Variants in KIF5C observed in about 807,000 individuals in gnomAD.
KIF5C encodes kinesin family member 5C.
Under a neutral mutation model 125.2 loss-of-function variants are expected in KIF5C, and 18 were observed. That is an observed-to-expected ratio of 0.14 (90% CI 0.10 to 0.21). The LOEUF is 0.21. Ranked by LOEUF, KIF5C falls within the 10% of genes least tolerant of loss-of-function variation. The pLI, the probability that KIF5C is intolerant of heterozygous loss-of-function variation, is 1.00. For synonymous variants in KIF5C, 405 were observed against 434.0 expected (o/e 0.93, Z 0.83); for missense variants, 780 against 1,183.8 (o/e 0.66, Z 5.01).
In KIF5C at chr2:148,991,056, G is replaced by T; in HGVS notation, c.1763G>T (p.Arg588Leu). The T allele has an allele frequency of 2.5e-6, 4 of 1,613,684 alleles. No individual in the cohort carries two copies. Among genetic ancestry groups the T allele is most frequent in the Non-Finnish European group, 3.4e-6 (4 of 1,179,756 alleles). Residue 588 changes from arginine to leucine, a missense_variant, in exon 16 of 26, where the codon CGC becomes CTC. Physicochemically the swap from Arg to Leu is moderately radical, Grantham distance 102 (BLOSUM62 -2). Around this residue, in one of 2 missense-constraint regions of KIF5C, gnomAD observed 573 missense variants for 742.6 expected, o/e 0.77. Coordinates refer to ENST00000435030, the MANE Select transcript of KIF5C (RefSeq NM_004522.3). ...GVIEEEFTMA[R>L]LYISKMKSEV... ...ATTGAGGAGGAGTTTACCATGGCCC[G>T]CCTGTACATCAGCAAGATGAAGTCA...
At chr2:148,979,771 C>T (rs886334209) in intron 13 of KIF5C, among the ~76,000 whole-genome samples, 1 of 152,170 alleles carries the variant, frequency 6.6e-6, no homozygotes, top group African/African-American at 2.4e-5. Context: ...CCGAGTACTG[C>T]GTCAGCATGT....
chr2:148,949,694 T>A, intron 8 of KIF5C, 145 bp from the exon 9 acceptor site: 2 of 1,196,568 alleles, frequency 1.7e-6, no homozygotes, highest in Non-Finnish European at 2.3e-6. Context: ...CGAAGGATGG[T>A]TTTTTATCAC....
rs759203784 is a variant in KIF5C, at chr2:149,010,228, G to A, written c.2644G>A (p.Ala882Thr). Residue 882 changes from alanine to threonine, a missense_variant, in exon 24 of 26, where the codon GCG (alanine) becomes ACG (threonine). By Grantham distance (58) the Ala-to-Thr change is moderately conservative. This residue lies in a region of KIF5C where 573 missense variants were observed against 742.6 expected (regional missense o/e 0.77). Transcript: ENST00000435030. ...TAERVKALESALKEAKENAMR... is the reference protein window; with the variant it reads ...TAERVKALESTLKEAKENAMR... ...GGAGCGCGTCAAGGCTCTGGAGAGC[G>A]CGCTGAAGGAGGCCAAGGAGAACGC... 7.0e-6 allele frequency: 11 copies of A among 1,572,038 alleles called. No homozygotes were observed. Among genetic ancestry groups the A allele is most frequent in the Middle Eastern group, 3.3e-4 (2 of 6,018 alleles).
chr2:148,964,387 T>C (rs1214671215), intron 11 of KIF5C, among the ~76,000 whole-genome samples: 2 of 152,104 alleles, frequency 1.3e-5, no homozygotes, highest in Non-Finnish European at 2.9e-5. Flanking sequence ...GATGATATAC[T>C]CTGGCACAGA....
rs1476951918 is a variant in KIF5C, at chr2:148,875,632, C to T, written c.15C>T (p.Ala5=). Residue 5 remains alanine (A), a synonymous_variant, in exon 1 of 26, where the codon GCC becomes GCT. Transcript: ENST00000435030. ...CGCCGGCCGAGATGGCGGATCCAGC[C>T]GAATGCAGCATCAAAGTGATGTGCC... MADP[A]ECSIKVMCRF... 4 of 1,553,688 alleles carry T rather than the reference C, an allele frequency of 2.6e-6. No homozygotes were observed. The highest frequency in any genetic ancestry group is 8.7e-7 in the Non-Finnish European group (1 of 1,149,422).
At chr2:148,934,054 G>T (rs1314287866) in intron 3 of KIF5C, among the ~76,000 whole-genome samples, 1 of 146,026 alleles carries the variant, frequency 6.8e-6, no homozygotes, top group Non-Finnish European at 1.5e-5. Flanking sequence ...ACCACACATG[G>T]CCCTCACATA....
rs114684433 is a variant in KIF5C, at chr2:148,963,798, T to C, written c.1117+1679T>C. Reference sequence around the variant, plus strand: ...TACAGGGTGGGCAATGAACCTTTTTTCCCCCATCATTTTGCATCTCTTGCC... The same window carrying C: ...TACAGGGTGGGCAATGAACCTTTTTCCCCCCATCATTTTGCATCTCTTGCC... On this transcript the variant is annotated intron_variant, in intron 11 of 25. Coordinates refer to ENST00000435030, the MANE Select transcript of KIF5C (RefSeq NM_004522.3). Among the ~76,000 whole-genome samples, 852 of 152,226 alleles carry C rather than the reference T, an allele frequency of 5.6e-3. 7 individuals are homozygous for C. The highest frequency in any genetic ancestry group is 0.02 in the African/African-American group (812 of 41,528).
At chr2:148,998,698 G>C in intron 19 of KIF5C, 189 bp downstream of exon 19, 1 of 984,320 alleles carries the variant, frequency 1.0e-6, no homozygotes. Context: ...GAGCCTCCTG[G>C]AGCCCTGGCA....
intron 1 of KIF5C, chr2:148,879,616 T>A (rs1387479404): frequency 1.3e-5 from 2 of 152,172 alleles, no homozygotes; most frequent in Non-Finnish European, 2.9e-5. Context: ...TCAGCAAAAA[T>A]ATTGGATTTA....
intron 15 of KIF5C, among the ~76,000 whole-genome samples, chr2:148,986,717 G>C (rs1423493297): frequency 2.0e-5 from 3 of 152,138 alleles, no homozygotes; most frequent in Admixed American, 6.5e-5. Context: ...TCCTGGTAGG[G>C]CTCTGGGATG....
chr2:149,000,328 G>A, intron 19 of KIF5C, 95 bp from the exon 20 acceptor site: 1 of 1,446,914 alleles, frequency 6.9e-7, no homozygotes, highest in Non-Finnish European at 9.4e-7. Context: ...TTATTGTACA[G>A]AGCTAATAGG....
intron 8 of KIF5C, among the ~76,000 whole-genome samples, chr2:148,949,301 T>C (rs1682600760): frequency 6.6e-6 from 1 of 152,204 alleles, no homozygotes; most frequent in Non-Finnish European, 1.5e-5. Flanking sequence ...TTTTGCTTTT[T>C]GGATATTTTT....
At chr2:148,999,019 C>T (rs372590706) in intron 19 of KIF5C, among the ~76,000 whole-genome samples, 1 of 152,176 alleles carries the variant, frequency 6.6e-6, no homozygotes, top group Non-Finnish European at 1.5e-5. Flanking sequence ...CTTAGGGCCC[C>T]ACACTGTCAT....
intron 7 of KIF5C, 27 bp downstream of exon 7, chr2:148,942,787 C>T: frequency 1.3e-6 from 2 of 1,593,816 alleles, no homozygotes; most frequent in Non-Finnish European, 1.7e-6. Context: ...TGTTTCCTCC[C>T]CTGCAGCTTG....
At chr2:148,943,792 ACT>A (rs1160298512) in intron 7 of KIF5C, among the ~76,000 whole-genome samples, 2 of 151,802 alleles carry the variant, frequency 1.3e-5, no homozygotes, top group African/African-American at 4.8e-5. Flanking sequence ...TCTACCCAAG[ACT>A]CTCTGATTCT....
chr2:148,934,141 TACAC>T (rs1024468214), intron 3 of KIF5C, among the ~76,000 whole-genome samples: 6 of 146,652 alleles, frequency 4.1e-5, no homozygotes, highest in Admixed American at 2.0e-4. Context: ...GCATACATCA[TACAC>T]ACACAGACAT....
At chr2:148,969,422 AGTGTGTGT>A (rs151238332) in intron 11 of KIF5C, among the ~76,000 whole-genome samples, 18 of 141,290 alleles carry the variant, frequency 1.3e-4, no homozygotes, top group Admixed American at 5.7e-4. Flanking sequence ...GAAGGTTTCC[AGTGTGTGT>A]GTGTGTGTGT....
intron 1 of KIF5C, among the ~76,000 whole-genome samples, chr2:148,906,010 C>T (rs1206452672): frequency 1.3e-5 from 2 of 152,118 alleles, no homozygotes; most frequent in East Asian, 3.9e-4. Context: ...ACAGGGTACC[C>T]CCATGACATG....
Position 148,942,774 on chromosome 2 carries a change from G to A in KIF5C, c.589+14G>A, listed in dbSNP as rs747482447. 7.7e-5 allele frequency: 123 copies of A among 1,603,316 alleles called. No homozygotes were observed. The highest frequency in any genetic ancestry group is 1.0e-4 in the Non-Finnish European group (119 of 1,175,058). On this transcript the variant is annotated intron_variant, in intron 7 of 25. Coordinates refer to ENST00000435030, the MANE Select transcript of KIF5C (RefSeq NM_004522.3). Reference sequence around the variant, plus strand: ...TGGCTGTGACAAGTAAGCATGGTGGGGGTGTTTCCTCCCCTGCAGCTTGGG... The same window carrying A: ...TGGCTGTGACAAGTAAGCATGGTGGAGGTGTTTCCTCCCCTGCAGCTTGGG...
Sources: gnomAD v4.1 joint callset for allele counts (sites outside exome capture counted in the v4.1 genomes callset) on GRCh38, gnomAD v4.1.1 for gene constraint, gnomAD v4.1.1 regional missense constraint, MANE v1.5 for transcripts, NCBI Gene and HGNC (gene_info 2026-07-23, HGNC 2026-07-21) for gene names.